Variants in TUNAR observed in about 807,000 individuals in gnomAD.
TUNAR encodes transmembrane neural differentiation associated intracellular calcium regulator.
chr14:95,909,793 TG>T (rs1263731502), intron 2 of TUNAR, among the ~76,000 whole-genome samples: 1 of 152,142 alleles, frequency 6.6e-6, no homozygotes, highest in Non-Finnish European at 1.5e-5. Flanking sequence ...CTCAGTTTAG[TG>T]GGGAAAGACC....
rs550246723 is a variant in TUNAR at position 95,884,819 on chromosome 14, G to A, written c.12+7642G>A. Among the ~76,000 whole-genome samples the A allele has an allele frequency of 1.7e-3, 251 of 151,910 alleles. 1 individual carries two copies. The highest frequency in any genetic ancestry group is 5.7e-3 in the African/African-American group (235 of 41,430). On this transcript the variant is annotated intron_variant, in intron 2 of 2. Transcript: ENST00000678517. ...TCTGTGTCTGCGTGGTTGTATCTCCGACTGCCGCTCTTGCTTACAGATGAA... is the reference window on the plus strand; with the variant it reads ...TCTGTGTCTGCGTGGTTGTATCTCCAACTGCCGCTCTTGCTTACAGATGAA...
chr14:95,923,725 T>C (rs974954883), exon 3 of TUNAR: 9 of 151,472 alleles, frequency 5.9e-5, no homozygotes, highest in Non-Finnish European at 8.9e-5. Flanking sequence ...GCTTTTGTTC[T>C]CTCTCTCTCC....
chr14:95,886,607 C>T (rs1326924486), intron 2 of TUNAR, among the ~76,000 whole-genome samples: 1 of 152,216 alleles, frequency 6.6e-6, no homozygotes, highest in Non-Finnish European at 1.5e-5. Flanking sequence ...AGATTGCCAT[C>T]CTCTGGAGGG....
At chr14:95,888,849 C>CCT (rs200847020) in intron 2 of TUNAR, among the ~76,000 whole-genome samples, 6,808 of 152,160 alleles carry the variant, frequency 0.045, 180 homozygotes, top group South Asian at 0.086. Context: ...GGAGGAGTGC[C>CCT]GAAGGATGCC....
At chr14:95,905,949 G>C (rs1163200076) in intron 2 of TUNAR, among the ~76,000 whole-genome samples, 1 of 152,162 alleles carries the variant, frequency 6.6e-6, no homozygotes, top group African/African-American at 2.4e-5. Context: ...ATCTAATCCT[G>C]TGGTTATTTA....
At chr14:95,908,779 G>A (rs1006305116) in intron 2 of TUNAR, among the ~76,000 whole-genome samples, 1 of 152,188 alleles carries the variant, frequency 6.6e-6, no homozygotes, top group African/African-American at 2.4e-5. Flanking sequence ...CATTACAGAT[G>A]AGGACCAGAG....
At chr14:95,890,926 G>A (rs888489942) in intron 2 of TUNAR, among the ~76,000 whole-genome samples, 4 of 152,162 alleles carry the variant, frequency 2.6e-5, no homozygotes, top group Non-Finnish European at 4.4e-5. Flanking sequence ...GGCTTACACC[G>A]GGACCCACAG....
At chr14:95,919,322 C>T (rs956911073) in intron 2 of TUNAR, among the ~76,000 whole-genome samples, 8 of 152,152 alleles carry the variant, frequency 5.3e-5, no homozygotes, top group African/African-American at 7.2e-5. Flanking sequence ...AGGAAATGCA[C>T]GTGTGAATTT....
intron 2 of TUNAR, among the ~76,000 whole-genome samples, chr14:95,917,531 A>G (rs1889625297): frequency 6.6e-6 from 1 of 152,216 alleles, no homozygotes; most frequent in Non-Finnish European, 1.5e-5. Flanking sequence ...AAAACCCCAT[A>G]GACATTTTGA....
intron 2 of TUNAR, among the ~76,000 whole-genome samples, chr14:95,911,305 C>A (rs1889509142): frequency 6.6e-6 from 1 of 152,252 alleles, no homozygotes; most frequent in South Asian, 2.1e-4. Context: ...GTCCTACTGG[C>A]CTTTGATGTC....
chr14:95,890,343 A>C (rs1889159550), intron 2 of TUNAR, among the ~76,000 whole-genome samples: 1 of 152,062 alleles, frequency 6.6e-6, no homozygotes, highest in Admixed American at 6.5e-5. Context: ...TCGTCCTCTG[A>C]GCATATGGCC....
chr14:95,904,122 G>A (rs974578425), intron 2 of TUNAR, among the ~76,000 whole-genome samples: 3 of 152,192 alleles, frequency 2.0e-5, no homozygotes, highest in South Asian at 2.1e-4. Context: ...GATCCTGGAG[G>A]GCCAAGTATG....
At chr14:95,882,256 A>G (rs1207268785) in intron 2 of TUNAR, among the ~76,000 whole-genome samples, 2 of 144,908 alleles carry the variant, frequency 1.4e-5, no homozygotes, top group East Asian at 2.0e-4. Flanking sequence ...GCTCTGGGCT[A>G]GATTTCTAAC....
intron 2 of TUNAR, among the ~76,000 whole-genome samples, chr14:95,879,707 G>T (rs1442395585): frequency 6.8e-6 from 1 of 147,752 alleles, no homozygotes; most frequent in East Asian, 2.0e-4. Context: ...CTTAAATCCA[G>T]TTTTTTTTTT....
intron 2 of TUNAR, among the ~76,000 whole-genome samples, chr14:95,881,880 A>G (rs1403780789): frequency 6.6e-6 from 1 of 152,226 alleles, no homozygotes; most frequent in East Asian, 1.9e-4. Context: ...ACATTCTGCT[A>G]ACGATACTCA....
chr14:95,898,516 A>G (rs1428659121), intron 2 of TUNAR, among the ~76,000 whole-genome samples: 2 of 152,236 alleles, frequency 1.3e-5, no homozygotes, highest in African/African-American at 4.8e-5. Flanking sequence ...TGTCAGCTCT[A>G]AAATCTTCCA....
At chr14:95,878,268 G>GCTGTTTGCTTAAGTGCATTTAGTTAA (rs879549868) in intron 2 of TUNAR, among the ~76,000 whole-genome samples, 9 of 152,342 alleles carry the variant, frequency 5.9e-5, no homozygotes, top group East Asian at 1.9e-4. Flanking sequence ...GCCGCTGTTA[G>GCTGTTTGCTTAAGTGCATTTAGTTAA]CTGTTTGCTT....
At chr14:95,915,326 A>G (rs1323550091) in intron 2 of TUNAR, among the ~76,000 whole-genome samples, 2 of 152,208 alleles carry the variant, frequency 1.3e-5, no homozygotes, top group African/African-American at 2.4e-5. Flanking sequence ...AGCTTTAAAA[A>G]GGGCAAAAGT....
chr14:95,882,398 A>G (rs1888994483), intron 2 of TUNAR, among the ~76,000 whole-genome samples: 1 of 152,242 alleles, frequency 6.6e-6, no homozygotes, highest in Non-Finnish European at 1.5e-5. Flanking sequence ...AGGGCATGGT[A>G]GTAGAAATGA....
Sources: allele counts gnomAD v4.1 joint callset (sites outside exome capture counted in the v4.1 genomes callset), GRCh38; gene constraint gnomAD v4.1.1; transcripts MANE v1.5; gene names NCBI Gene and HGNC (gene_info 2026-07-23, HGNC 2026-07-21).